The following DDX19B variants were observed in gnomAD, a reference collection of about 807,000 sequenced individuals.
DDX19B encodes the protein ATP-dependent RNA helicase DDX19B.
In DDX19B, 27 loss-of-function variants were observed where a neutral mutation model predicts 58.1. The observed-to-expected ratio is 0.46, with a 90% CI of 0.34 to 0.64. The LOEUF is 0.64. DDX19B is among the 30% of genes least tolerant of loss of function. The probability of loss-of-function intolerance (pLI) is 0.01; values close to 1 mark genes in which losing one functional copy is unlikely to be tolerated. For synonymous variants in DDX19B, 187 were observed against 214.4 expected (o/e 0.87, Z 1.12); for missense variants, 399 against 596.5 (o/e 0.67, Z 3.45).
At chr16:70,306,504 G>T (rs554314146) in intron 1 of DDX19B, among the ~76,000 whole-genome samples, 21 of 152,268 alleles carry the variant, frequency 1.4e-4, no homozygotes, top group African/African-American at 3.9e-4. Context: ...GCCTAAGAGG[G>T]TTTGTTAGGA....
At chr16:70,314,820 T>A in intron 2 of DDX19B, 82 bp from the exon 3 acceptor site, 1 of 1,511,424 alleles carries the variant, frequency 6.6e-7, no homozygotes, top group Non-Finnish European at 9.2e-7. Flanking sequence ...TACAAAAACT[T>A]CTAGTGTCAT....
At position 70,335,220 on chromosome 16, in the gene DDX19B, T is replaced by C. The variant is rs1567643060; in HGVS notation, c.*1638T>C. The C allele has an allele frequency of 6.6e-6, 1 of 152,176 alleles. No individual in the cohort carries two copies. The highest frequency in any genetic ancestry group is 1.5e-5 in the Non-Finnish European group (1 of 68,048). 9.4% of individuals were successfully genotyped at this position (152,176 alleles called of 1,614,324 possible). A position where few individuals can be genotyped will look rare whatever the true frequency, so the allele number is the denominator to read the frequency against. ...AAGAAAAGAAATTTTTATACTTTTT[T>C]CTCCTTCCCTGAGTCCTGTGGACCA... On this transcript the variant is annotated 3_prime_UTR_variant, in exon 12 of 12. Transcript: ENST00000288071.
intron 8 of DDX19B, among the ~76,000 whole-genome samples, 157 bp downstream of exon 8, chr16:70,329,626 A>G (rs1215439898): frequency 6.6e-6 from 1 of 152,120 alleles, no homozygotes; most frequent in African/African-American, 2.4e-5. Context: ...CGCTGGCCAC[A>G]GTCCCTCCCA....
upstream of DDX19B, among the ~76,000 whole-genome samples, chr16:70,293,597 A>ATTTTTTTT (rs71151182): frequency 0.014 from 1,044 of 76,996 alleles, 123 homozygotes; most frequent in Non-Finnish European, 0.016. Context: ...GGATGGCTGA[A>ATTTTTTTT]TTTTTTTTTT....
chr16:70,316,244 C>G (rs1467350529), intron 4 of DDX19B, 140 bp downstream of exon 4: 1 of 1,265,582 alleles, frequency 7.9e-7, no homozygotes, highest in Non-Finnish European at 1.1e-6. Flanking sequence ...GAGTCTCACT[C>G]TGTTGCCCAG....
At position 70,324,768 on chromosome 16, in the gene DDX19B, T is replaced by C. The variant is rs1567635717; in HGVS notation, c.492+81T>C. 5.8e-6 allele frequency: 8 copies of C among 1,388,282 alleles called. No homozygotes were observed. The East Asian group carries it at 1.2e-4, about 21-fold the overall frequency. 86.0% of individuals were successfully genotyped at this position (1,388,282 alleles called of 1,614,324 possible). Reference sequence around the variant, plus strand: ...ATTTGATGGATTAAAAGACAAGCTATGGGCTGGGTGCAGTGGCTCATGCCT... The same window carrying C: ...ATTTGATGGATTAAAAGACAAGCTACGGGCTGGGTGCAGTGGCTCATGCCT... On this transcript the variant is annotated intron_variant, in intron 6 of 11. Coordinates refer to ENST00000288071, the MANE Select transcript of DDX19B (RefSeq NM_007242.7).
upstream of DDX19B, among the ~76,000 whole-genome samples, chr16:70,297,921 C>T (rs1343376907): frequency 2.0e-5 from 3 of 152,094 alleles, no homozygotes; most frequent in Admixed American, 6.6e-5. Flanking sequence ...GATAAGGCCT[C>T]GCTATGTTGT....
At chr16:70,290,290 C>G (rs1343296722), upstream of DDX19B, among the ~76,000 whole-genome samples, 1 of 152,042 alleles carries the variant, frequency 6.6e-6, no homozygotes, top group Non-Finnish European at 1.5e-5. Flanking sequence ...GTAATCCTAG[C>G]ACTTTGGGAG....
intron 1 of DDX19B, among the ~76,000 whole-genome samples, chr16:70,301,498 T>C (rs1477248787): frequency 6.6e-6 from 1 of 152,202 alleles, no homozygotes; most frequent in African/African-American, 2.4e-5. Context: ...AGAAAATTTA[T>C]GGTAATATGT....
At chr16:70,327,063 T>C (rs1014471428) in intron 7 of DDX19B, among the ~76,000 whole-genome samples, 26 of 150,254 alleles carry the variant, frequency 1.7e-4, no homozygotes, top group Non-Finnish European at 3.7e-4. Context: ...CTCTATCTGC[T>C]GACCTCGTGA....
At chr16:70,321,107 C>T (rs753572912) in intron 5 of DDX19B, among the ~76,000 whole-genome samples, 6 of 151,664 alleles carry the variant, frequency 4.0e-5, no homozygotes, top group Non-Finnish European at 5.9e-5. Context: ...GGATTACAGG[C>T]ATGTGCCACC....
intron 2 of DDX19B, among the ~76,000 whole-genome samples, 188 bp downstream of exon 2, chr16:70,312,845 TTC>T (rs1962162305): frequency 6.6e-6 from 1 of 152,070 alleles, no homozygotes; most frequent in Non-Finnish European, 1.5e-5. Context: ...ATTTTTTTGT[TTC>T]TGTTTACTTT....
chr16:70,308,950 T>C (rs879019990), intron 1 of DDX19B, among the ~76,000 whole-genome samples: 2 of 152,160 alleles, frequency 1.3e-5, no homozygotes, highest in African/African-American at 4.8e-5. Flanking sequence ...TTAGCTCTTT[T>C]TCCTAATGCT....
intron 2 of DDX19B, among the ~76,000 whole-genome samples, chr16:70,313,589 T>C (rs1962199607): frequency 6.6e-6 from 1 of 152,198 alleles, no homozygotes; most frequent in South Asian, 2.1e-4. Flanking sequence ...TTTCTTAATG[T>C]TCTCAATTTG....
upstream of DDX19B, among the ~76,000 whole-genome samples, chr16:70,294,328 GC>G (rs1427044716): frequency 2.0e-5 from 3 of 151,840 alleles, no homozygotes; most frequent in Non-Finnish European, 4.4e-5. Context: ...TGATCCACCC[GC>G]CTCGGCCTCC....
intron 5 of DDX19B, among the ~76,000 whole-genome samples, chr16:70,322,926 G>A (rs539480715): frequency 6.7e-6 from 1 of 149,706 alleles, no homozygotes; most frequent in East Asian, 1.9e-4. Context: ...TCCCCATAAG[G>A]AACAGCTTAC....
chr16:70,292,373 C>G (rs1235441588), upstream of DDX19B, among the ~76,000 whole-genome samples: 1 of 152,116 alleles, frequency 6.6e-6, no homozygotes, highest in African/African-American at 2.4e-5. Context: ...TCTTGAACTC[C>G]CGACCTCAGG....
At chr16:70,313,552 C>T (rs1159095711) in intron 2 of DDX19B, among the ~76,000 whole-genome samples, 2 of 152,122 alleles carry the variant, frequency 1.3e-5, no homozygotes, top group South Asian at 2.1e-4. Flanking sequence ...TACTAACCAT[C>T]GGACTACATT....
upstream of DDX19B, among the ~76,000 whole-genome samples, chr16:70,292,372 C>A (rs1409656862): frequency 6.6e-6 from 1 of 152,112 alleles, no homozygotes. Context: ...GTCTTGAACT[C>A]CCGACCTCAG....
Sources: gnomAD v4.1 joint callset for allele counts (sites outside exome capture counted in the v4.1 genomes callset) on GRCh38, gnomAD v4.1.1 for gene constraint, MANE v1.5 for transcripts, NCBI Gene and HGNC (gene_info 2026-07-23, HGNC 2026-07-21) for gene names.